Variants in FBRS observed in about 807,000 individuals in gnomAD.
FBRS encodes the protein fibrosin.
Under a neutral mutation model 86.1 loss-of-function variants are expected in FBRS, and 15 were observed. That is an observed-to-expected ratio of 0.17 (90% confidence interval 0.12 to 0.27). FBRS has a LOEUF of 0.27. Among genes scored for constraint, FBRS ranks in the 10% least tolerant of loss-of-function variants. The pLI is 1.00. For missense variants in FBRS, 1,367 were observed against 1,301.6 expected, an observed-to-expected ratio of 1.05 and a Z score of -0.77; for synonymous variants, 666 against 575.8, an observed-to-expected ratio of 1.16 and a Z score of -2.24.
rs1280719277 is a variant in FBRS at position 30,667,304 on chromosome 16, C to G, written c.1876-16C>G. The G allele has an allele frequency of 3.3e-6, 5 of 1,533,364 alleles. No homozygotes were observed. Among genetic ancestry groups the G allele is most frequent in the Non-Finnish European group, 4.4e-6 (5 of 1,133,908 alleles). The allele number at this position is 1,533,364 out of a possible 1,614,324, so 95.0% of individuals were successfully genotyped here. A position where few individuals can be genotyped will look rare whatever the true frequency, so the allele number is the denominator to read the frequency against. ...TGGCTCCTCATGTACTGCCCCTCTC[C>G]CTGTGTCCCACACAGGGTGACTCCC... is the stretch of plus-strand genomic sequence containing the variant. On this transcript the variant is annotated splice_polypyrimidine_tract_variant and intron_variant, in intron 13 of 17. Coordinates refer to ENST00000356166, the MANE Select transcript of FBRS (RefSeq NM_001105079.3).
intron 4 of FBRS, 53 bp from the exon 5 acceptor site, chr16:30,662,367 T>G: frequency 6.5e-7 from 1 of 1,548,978 alleles, no homozygotes; most frequent in Non-Finnish European, 8.7e-7. Context: ...CCTTCCTGGG[T>G]GGAGGCCTGG....
At position 30,668,537 on chromosome 16, in the gene FBRS, A is replaced by C. The variant is rs375907478; in HGVS notation, c.2075-23A>C. On this transcript the variant is annotated intron_variant, in intron 15 of 17. Transcript: ENST00000356166. ...TCAGCACCGGCTGCCCAGTGCTCTG[A>C]CCACCCCCCTTTCCTCCCACAGATC... is the stretch of plus-strand genomic sequence containing the variant. The C allele has an allele frequency of 6.9e-6, 11 of 1,602,636 alleles. No individual in the cohort carries two copies. The African/African-American group carries it at 1.5e-4, about 21-fold the overall frequency.
chr16:30,667,905 T>C (rs1397626288), intron 15 of FBRS: 2 of 388,430 alleles, frequency 5.1e-6, no homozygotes, highest in Non-Finnish European at 9.2e-6. Flanking sequence ...GAGGCCATGC[T>C]GGCCCAGGGG....
chr16:30,665,837 A>G lies in FBRS; in HGVS notation c.1773+131A>G, dbSNP rs2052517222. On this transcript the variant is annotated intron_variant, in intron 11 of 17. Coordinates refer to ENST00000356166, the MANE Select transcript of FBRS (RefSeq NM_001105079.3). This position sits in a 1 kb window ranked among gnomAD's most constrained non-coding sequence, Gnocchi z 4.1. ...TCGGGTGTTCCTGGGTGTCTAATAG[A>G]GAGGGAATTTCTGTAAATAGCTGGC... The G allele has an allele frequency of 1.2e-6, 1 of 832,506 alleles. No homozygotes were observed. Among genetic ancestry groups the G allele is most frequent in the Admixed American group, 2.9e-5 (1 of 35,086 alleles). 51.6% of individuals were successfully genotyped at this position (832,506 alleles called of 1,614,324 possible).
At position 30,660,370 on chromosome 16, in the gene FBRS, C is replaced by T. The variant is rs185247992; in HGVS notation, c.567C>T (p.Ser189=). 2.0e-5 allele frequency: 26 copies of T among 1,273,632 alleles called. No homozygotes were observed. The East Asian group carries it at 6.9e-4, about 34-fold the overall frequency. The allele number at this position is 1,273,632 out of a possible 1,614,324, so 78.9% of individuals were successfully genotyped here. A position where few individuals can be genotyped will look rare whatever the true frequency, so the allele number is the denominator to read the frequency against. The change falls in exon 2 of 18, where the codon AGC becomes AGT. Residue 189 remains serine, a synonymous_variant. Transcript: ENST00000356166. ...SSGATGEPGD[S]SDREPGRPPG... ...GGGCCACCGGGGAGCCAGGGGACAG[C>T]TCTGATCGAGAGCCTGGCCGGCCCC...
intron 1 of FBRS, 116 bp downstream of exon 1, chr16:30,660,093 C>T (rs1197629625): frequency 4.1e-6 from 6 of 1,447,446 alleles, no homozygotes; most frequent in African/African-American, 1.5e-5. Context: ...ACCAGAGCAA[C>T]CGGCTCCTCT....
chr16:30,666,483 G>A (rs745832147), intron 11 of FBRS, 29 bp from the exon 12 acceptor site: 12 of 1,613,880 alleles, frequency 7.4e-6, no homozygotes, highest in East Asian at 4.5e-5. Flanking sequence ...GGTCTGAGTC[G>A]CCTCCCATCT....
In FBRS at chr16:30,659,618, C is replaced by T; in HGVS notation, c.100C>T (p.Arg34Trp). ...GCGCCGAGACCGAGACCGGGAGCAGCGGCGCCGCCGAGGTCCAGGCGGCGA... is the reference window on the plus strand; with the variant it reads ...GCGCCGAGACCGAGACCGGGAGCAGTGGCGCCGCCGAGGTCCAGGCGGCGA... ...CSRRDRDREQ[R>W]RRRGPGGDAP... The change falls in exon 1 of 18, where the codon CGG becomes TGG. Residue 34 changes from arginine (R) to tryptophan (W), a missense_variant. Physicochemically the swap from Arg to Trp is moderately radical, Grantham distance 101 (BLOSUM62 -3). Transcript: ENST00000356166. 2.6e-6 allele frequency: 1 copy of T among 384,232 alleles called. No homozygotes were observed. Among genetic ancestry groups the T allele is most frequent in the Non-Finnish European group, 4.6e-6 (1 of 218,976 alleles). The allele number at this position is 384,232 out of a possible 1,614,324, so 23.8% of individuals were successfully genotyped here.
At chr16:30,663,838 C>T (rs1322521544) in intron 6 of FBRS, among the ~76,000 whole-genome samples, 1 of 152,232 alleles carries the variant, frequency 6.6e-6, no homozygotes, top group African/African-American at 2.4e-5. Context: ...GGTCTCCTGA[C>T]TCCCAGGCCA....
At position 30,668,879 on chromosome 16, in the gene FBRS, G is replaced by A; in HGVS notation, c.2266G>A (p.Ala756Thr). 1.3e-6 allele frequency: 2 copies of A among 1,586,878 alleles called. No individual in the cohort carries two copies. The highest frequency in any genetic ancestry group is 2.7e-5 in the African/African-American group (2 of 74,580). ...GCACCGCAGTCCTCTGACCTTTCCT[G>A]CCTGGGTCCGGCCCCCTGAGGCCGC... Reference protein sequence around the residue: ...RLHRSPLTFPAWVRPPEAART... With the variant: ...RLHRSPLTFPTWVRPPEAART... The change falls in exon 17 of 18, where the codon GCC (alanine) becomes ACC (threonine). Residue 756 changes from alanine (A) to threonine (T), a missense_variant. Coordinates refer to ENST00000356166, the MANE Select transcript of FBRS (RefSeq NM_001105079.3).
intron 6 of FBRS, among the ~76,000 whole-genome samples, chr16:30,663,739 T>C (rs1161237274): frequency 6.6e-6 from 1 of 152,128 alleles, no homozygotes; most frequent in Non-Finnish European, 1.5e-5. Flanking sequence ...ATTGTCATTG[T>C]TATTATTGAG....
chr16:30,662,907 T>C, intron 6 of FBRS, 48 bp downstream of exon 6: 1 of 1,396,080 alleles, frequency 7.2e-7, no homozygotes, highest in Non-Finnish European at 9.3e-7. Flanking sequence ...CCTGGTCAGT[T>C]TGGTGGCGGG....
chr16:30,659,847 A>G lies in FBRS; in HGVS notation c.329A>G (p.Glu110Gly). 4 of 1,525,866 alleles carry G rather than the reference A, an allele frequency of 2.6e-6. No homozygotes were observed. Among genetic ancestry groups the G allele is most frequent in the Non-Finnish European group, 3.5e-6 (4 of 1,137,722 alleles). 94.5% of individuals were successfully genotyped at this position (1,525,866 alleles called of 1,614,324 possible). ...TCGGGCAGCCGCGGGGAGGAAGAGG[A>G]GGAGGAGGAGGAGGAGGGGGGCGCA... ...AGSGSRGEEE[E>G]EEEEEGGADD... The change falls in exon 1 of 18, where the codon GAG becomes GGG. Residue 110 changes from glutamate (E) to glycine (G), a missense_variant. By Grantham distance (98) the Glu-to-Gly change is moderately conservative. Around this residue, in one of 3 missense-constraint regions of FBRS, gnomAD observed 702 missense variants for 598.7 expected, o/e 1.17. Transcript: ENST00000356166.
rs1196995231 is a variant in FBRS, at chr16:30,658,977, G to A, written c.-542G>A. On this transcript the variant is annotated 5_prime_UTR_variant, in exon 1 of 18. Coordinates refer to ENST00000356166, the MANE Select transcript of FBRS (RefSeq NM_001105079.3). ...GGAAGTGGCCGCTTGTGGAGGACTA[G>A]AAACTAACTCCGAGCCCTTAAAGGG... 6.6e-6 allele frequency: 1 copy of A among 152,262 alleles called. No individual in the cohort carries two copies. The highest frequency in any genetic ancestry group is 1.5e-5 in the Non-Finnish European group (1 of 68,084). The allele number at this position is 152,262 out of a possible 1,614,324, so 9.4% of individuals were successfully genotyped here.
Position 30,669,192 on chromosome 16 carries a change from GGCTGCC to G in FBRS, c.2493_2498del (p.Ala848_Ala849del). On this transcript the variant is annotated inframe_deletion, in exon 18 of 18. Transcript: ENST00000356166. This position sits in a 1 kb window ranked among gnomAD's most constrained non-coding sequence, Gnocchi z 5.9. ...GGGTAAAGGAAGAGCGGAAGGAGGA[GGCTGCC>G]GCCGCCGCTGCCGCTGCTGCTGCCG... 1.3e-6 allele frequency: 2 copies of G among 1,549,488 alleles called. No individual in the cohort carries two copies. The highest frequency in any genetic ancestry group is 1.7e-6 in the Non-Finnish European group (2 of 1,146,676).
rs748054905 is a variant in FBRS at position 30,669,654 on chromosome 16, G to C, written c.*9G>C. 10 of 1,578,228 alleles carry C rather than the reference G, an allele frequency of 6.3e-6. No individual in the cohort carries two copies. Among genetic ancestry groups the C allele is most frequent in the Non-Finnish European group, 8.6e-6 (10 of 1,167,360 alleles). ...CTCGGGCTGACAGGTGAGGGGAACG[G>C]GGGGGGGTCGGGGCAAAGCTCCATC... On this transcript the variant is annotated 3_prime_UTR_variant, in exon 18 of 18. Coordinates refer to ENST00000356166, the MANE Select transcript of FBRS (RefSeq NM_001105079.3). The surrounding 1 kb of genome is among the most constrained non-coding windows in gnomAD (Gnocchi z 5.9).
chr16:30,667,523 T>A lies in FBRS; in HGVS notation c.1994-19T>A. 6.6e-7 allele frequency: 1 copy of A among 1,525,304 alleles called. No individual in the cohort carries two copies. The highest frequency in any genetic ancestry group is 8.8e-7 in the Non-Finnish European group (1 of 1,133,782). 94.5% of individuals were successfully genotyped at this position (1,525,304 alleles called of 1,614,324 possible). A position where few individuals can be genotyped will look rare whatever the true frequency, so the allele number is the denominator to read the frequency against. ...GTGCCCACTCAGCCTCATCAGAATC[T>A]CCCACCTCTCTGCCCCAGGTGCCGT... is the stretch of plus-strand genomic sequence containing the variant. On this transcript the variant is annotated intron_variant, in intron 14 of 17. Coordinates refer to ENST00000356166, the MANE Select transcript of FBRS (RefSeq NM_001105079.3).
Position 30,659,819 on chromosome 16 carries a change from G to C in FBRS, c.301G>C (p.Gly101Arg). Residue 101 changes from glycine to arginine, a missense_variant, in exon 1 of 18, where the codon GGC becomes CGC. By Grantham distance (125) the Gly-to-Arg change is moderately radical (BLOSUM62 -2). Transcript: ENST00000356166. ...PRPRARKRPA[G>R]SGSRGEEEEE... ...ACCCCGAGCTCGGAAGCGGCCTGCC[G>C]GCTCGGGCAGCCGCGGGGAGGAAGA... 1 of 1,520,132 alleles carries C rather than the reference G, an allele frequency of 6.6e-7. No individual in the cohort carries two copies. Among genetic ancestry groups the C allele is most frequent in the Non-Finnish European group, 8.8e-7 (1 of 1,138,264 alleles). The allele number at this position is 1,520,132 out of a possible 1,614,324, so 94.2% of individuals were successfully genotyped here. A position where few individuals can be genotyped will look rare whatever the true frequency, so the allele number is the denominator to read the frequency against.
At position 30,668,819 on chromosome 16, in the gene FBRS, G is replaced by A; in HGVS notation, c.2206G>A (p.Ala736Thr). Residue 736 changes from alanine to threonine, a missense_variant, in exon 17 of 18, where the codon GCC becomes ACC. Physicochemically the swap from Ala to Thr is moderately conservative, Grantham distance 58. Coordinates refer to ENST00000356166, the MANE Select transcript of FBRS (RefSeq NM_001105079.3). The stretch of plus-strand genomic sequence containing the variant: ...GAAAGAAAGCCCAGGGGCCCCACCA[G>A]CCTTCGCCTCCCCACCGGACCCATG... ...AQKESPGAPP[A>T]FASPPDPWGR... 1.9e-6 allele frequency: 3 copies of A among 1,598,230 alleles called. No individual in the cohort carries two copies. The South Asian group carries it at 3.3e-5, about 18-fold the overall frequency.
Sources: allele counts gnomAD v4.1 joint callset (sites outside exome capture counted in the v4.1 genomes callset), GRCh38; gene constraint gnomAD v4.1.1; regional missense constraint gnomAD v4.1.1; non-coding constraint Gnocchi (gnomAD v3.1); transcripts MANE v1.5; gene names NCBI Gene and HGNC (gene_info 2026-07-23, HGNC 2026-07-21).